TNR: variants seen among roughly 807,000 people sequenced by gnomAD.
The protein encoded by TNR is tenascin R.
TNR carries 45 observed loss-of-function variants against 150.4 expected under a neutral mutation model. The ratio of observed to expected loss-of-function variants is 0.30; its 90% confidence interval spans 0.24 to 0.38. The LOEUF (loss-of-function observed/expected upper bound fraction) is 0.38. Among genes scored for constraint, TNR ranks in the 10% least tolerant of loss-of-function variants. The pLI is 1.00. For missense variants in TNR, 1,544 were observed against 1,759.1 expected, an observed-to-expected ratio of 0.88 and a Z score of 2.19; for synonymous variants, 687 against 678.4, an observed-to-expected ratio of 1.01 and a Z score of -0.20.
At chr1:175,619,859 G>T (rs978867009) in intron 1 of TNR, among the ~76,000 whole-genome samples, 1 of 152,228 alleles carries the variant, frequency 6.6e-6, no homozygotes, top group African/African-American at 2.4e-5. Flanking sequence ...CACAGAGGTT[G>T]TGTGTTGGAA....
intron 1 of TNR, among the ~76,000 whole-genome samples, chr1:175,693,180 T>C (rs532090053): frequency 8.6e-4 from 131 of 152,352 alleles, no homozygotes; most frequent in African/African-American, 3.0e-3. Context: ...TACTGCATCA[T>C]CACACACAAT....
At chr1:175,700,068 C>T (rs1023159622) in intron 1 of TNR, among the ~76,000 whole-genome samples, 2 of 151,578 alleles carry the variant, frequency 1.3e-5, no homozygotes, top group African/African-American at 4.8e-5. Flanking sequence ...TGCCGGACCA[C>T]CATGACCCCA....
chr1:175,708,412 T>G (rs558054838), intron 1 of TNR, among the ~76,000 whole-genome samples: 2 of 152,200 alleles, frequency 1.3e-5, no homozygotes, highest in Non-Finnish European at 2.9e-5. Context: ...AGAGAAATGA[T>G]GAAAAGTAGG....
At chr1:175,727,077 C>A (rs1667501185) in intron 1 of TNR, among the ~76,000 whole-genome samples, 1 of 152,190 alleles carries the variant, frequency 6.6e-6, no homozygotes, top group Non-Finnish European at 1.5e-5. Context: ...CAGGCTCTCA[C>A]AAGGGGGCTG....
chr1:175,721,728 A>G (rs1233599841), intron 1 of TNR, among the ~76,000 whole-genome samples: 1 of 151,684 alleles, frequency 6.6e-6, no homozygotes, highest in African/African-American at 2.4e-5. Context: ...TAGCTCCCCA[A>G]CCCTGTTCAC....
At chr1:175,555,971 G>A (rs895053685) in intron 1 of TNR, among the ~76,000 whole-genome samples, 10 of 152,200 alleles carry the variant, frequency 6.6e-5, no homozygotes, top group Admixed American at 3.3e-4. Flanking sequence ...AAAGCAAGGC[G>A]TATAGGCTCA....
intron 1 of TNR, among the ~76,000 whole-genome samples, chr1:175,631,563 A>G (rs900311438): frequency 6.6e-6 from 1 of 152,164 alleles, no homozygotes; most frequent in Non-Finnish European, 1.5e-5. Context: ...TCTTCTTCCA[A>G]TGTGGCCTAA....
chr1:175,666,897 C>T lies in TNR; in HGVS notation c.-165+76329G>A, dbSNP rs147336777. 5.9e-5 allele frequency among the ~76,000 whole-genome samples: 9 copies of T among 152,276 alleles called. No homozygotes were observed. The East Asian group carries it at 7.7e-4, about 13-fold the overall frequency. On this transcript the variant is annotated intron_variant, in intron 1 of 22. Transcript: ENST00000367674. ...CAGTAGCTAGGACTACAGGCACACA[C>T]CACCATGTATGGATAATTTTGTAAA...
At chr1:175,451,598 C>A (rs1311070599) in intron 2 of TNR, among the ~76,000 whole-genome samples, 2 of 152,164 alleles carry the variant, frequency 1.3e-5, no homozygotes, top group Non-Finnish European at 2.9e-5. Flanking sequence ...ATTGGGGAGA[C>A]ACTTTTGGAT....
chr1:175,689,559 A>C (rs72727607), intron 1 of TNR, among the ~76,000 whole-genome samples: 4,230 of 152,188 alleles, frequency 0.028, 83 homozygotes, highest in Middle Eastern at 0.051. Context: ...GGTGATAGAG[A>C]ATCAATTGGC....
At chr1:175,615,463 C>T (rs1663740702) in intron 1 of TNR, among the ~76,000 whole-genome samples, 1 of 152,192 alleles carries the variant, frequency 6.6e-6, no homozygotes, top group Non-Finnish European at 1.5e-5. Context: ...GTTGAGGACT[C>T]CACGTCCTGC....
intron 2 of TNR, among the ~76,000 whole-genome samples, chr1:175,459,528 T>C (rs1350366866): frequency 6.6e-6 from 1 of 152,238 alleles, no homozygotes; most frequent in African/African-American, 2.4e-5. Context: ...CTTCCCCAAA[T>C]TGTGACAATT....
chr1:175,627,277 G>C (rs190864584), intron 1 of TNR, among the ~76,000 whole-genome samples: 41 of 152,274 alleles, frequency 2.7e-4, no homozygotes, highest in African/African-American at 9.6e-4. Context: ...TTCAAACTTT[G>C]ACTGTTTCTT....
intron 2 of TNR, among the ~76,000 whole-genome samples, chr1:175,431,865 G>C (rs932093834): frequency 7.5e-6 from 1 of 132,890 alleles, no homozygotes; most frequent in Non-Finnish European, 1.6e-5. Context: ...GGAGGCAGGG[G>C]GCAGGGGGCT....
At chr1:175,708,093 C>A (rs182719114) in intron 1 of TNR, among the ~76,000 whole-genome samples, 12 of 151,080 alleles carry the variant, frequency 7.9e-5, no homozygotes, top group East Asian at 2.0e-4. Context: ...CATCTTAATG[C>A]AGCAAGGCTG....
intron 1 of TNR, among the ~76,000 whole-genome samples, chr1:175,559,431 A>C (rs1283342277): frequency 1.3e-5 from 2 of 152,210 alleles, no homozygotes; most frequent in Non-Finnish European, 2.9e-5. Context: ...CTTAAGAAAG[A>C]AAACATTTTA....
At chr1:175,460,155 T>C (rs569008849) in intron 2 of TNR, among the ~76,000 whole-genome samples, 5 of 152,070 alleles carry the variant, frequency 3.3e-5, no homozygotes, top group East Asian at 1.9e-4. Flanking sequence ...TGCCTTTCAG[T>C]GAAGGTGTGA....
At chr1:175,384,880 T>C (rs531891478) in intron 8 of TNR, among the ~76,000 whole-genome samples, 1 of 152,226 alleles carries the variant, frequency 6.6e-6, no homozygotes, top group Non-Finnish European at 1.5e-5. Flanking sequence ...TCCATCTGTT[T>C]CACTTTTTCC....
Position 175,590,520 on chromosome 1 carries a change from C to T in TNR, c.-164-62151G>A, listed in dbSNP as rs75946847. Among the ~76,000 whole-genome samples, 316 of 152,282 alleles carry T rather than the reference C, an allele frequency of 2.1e-3. 1 individual carries two copies. Among genetic ancestry groups the T allele is most frequent in the Middle Eastern group, 6.8e-3 (2 of 294 alleles). On this transcript the variant is annotated intron_variant, in intron 1 of 22. Coordinates refer to ENST00000367674, the MANE Select transcript of TNR (RefSeq NM_003285.3). The stretch of plus-strand genomic sequence containing the variant: ...AAAGTAAATACAACATGTCTATTCT[C>T]AAGGAGTTCTCAGCCTGGTGGAGAA...
Sources: gnomAD v4.1 joint callset for allele counts (sites outside exome capture counted in the v4.1 genomes callset) on GRCh38, gnomAD v4.1.1 for gene constraint, MANE v1.5 for transcripts, NCBI Gene and HGNC (gene_info 2026-07-23, HGNC 2026-07-21) for gene names.